AKT3: variants seen among roughly 807,000 people sequenced by gnomAD.
AKT3 encodes AKT serine/threonine kinase 3.
In AKT3, 15 loss-of-function variants were observed where a neutral mutation model predicts 65.3. The ratio of observed to expected loss-of-function variants is 0.23; its 90% CI spans 0.15 to 0.35. AKT3 has a LOEUF of 0.35. Ranked by LOEUF, AKT3 falls within the 10% of genes least tolerant of loss-of-function variation. The pLI, the probability that AKT3 is intolerant of heterozygous loss-of-function variation, is 1.00. For missense variants in AKT3, 243 were observed against 576.5 expected, an observed-to-expected ratio of 0.42 and a Z score of 5.92; for synonymous variants, 206 against 183.8, an observed-to-expected ratio of 1.12 and a Z score of -0.98.
At chr1:243,647,026 G>A (rs982136228) in intron 4 of AKT3, among the ~76,000 whole-genome samples, 1 of 152,120 alleles carries the variant, frequency 6.6e-6, no homozygotes, top group Non-Finnish European at 1.5e-5. Context: ...TAAATCTATA[G>A]ATGAATTTTG....
chr1:243,526,615 T>C (rs1194180859), intron 12 of AKT3, among the ~76,000 whole-genome samples: 1 of 151,896 alleles, frequency 6.6e-6, no homozygotes, highest in Non-Finnish European at 1.5e-5. Flanking sequence ...CAGTGAAATA[T>C]ACCACATGAC....
chr1:243,507,170 G>T (rs1669721743), intron 13 of AKT3, among the ~76,000 whole-genome samples: 1 of 152,238 alleles, frequency 6.6e-6, no homozygotes, highest in African/African-American at 2.4e-5. Context: ...GGCAGGAGCT[G>T]CCTGGACTCC....
rs1040803952 is a variant in AKT3, at chr1:243,802,221, A to G, written c.46+40904T>C. Reference sequence around the variant, plus strand: ...TTTCTCTTTCCTCAGGTATACTCCAACACAATACACTATTAAGCCTAACTA... The same window carrying G: ...TTTCTCTTTCCTCAGGTATACTCCAGCACAATACACTATTAAGCCTAACTA... On this transcript the variant is annotated intron_variant, in intron 2 of 13. Transcript: ENST00000673466. Among the ~76,000 whole-genome samples the G allele has an allele frequency of 9.1e-4, 138 of 152,308 alleles. 1 individual carries two copies. Among genetic ancestry groups the G allele is most frequent in the African/African-American group, 3.1e-3 (130 of 41,574 alleles).
intron 2 of AKT3, among the ~76,000 whole-genome samples, chr1:243,751,336 T>C (rs1044875766): frequency 5.3e-5 from 8 of 152,262 alleles, no homozygotes; most frequent in Non-Finnish European, 8.8e-5. Flanking sequence ...AAGGCAATGA[T>C]AAATGAAGCA....
At chr1:243,840,144 C>T (rs10803162) in intron 2 of AKT3, among the ~76,000 whole-genome samples, 34,507 of 152,042 alleles carry the variant, frequency 0.23, 4,245 homozygotes, top group East Asian at 0.34. Flanking sequence ...GCATTCCAGC[C>T]TGGGTGACAG....
At chr1:243,806,678 T>C (rs910555235) in intron 2 of AKT3, among the ~76,000 whole-genome samples, 5 of 152,216 alleles carry the variant, frequency 3.3e-5, no homozygotes, top group South Asian at 2.1e-4. Context: ...ACATAGCTAT[T>C]TGATGTGTCT....
chr1:243,832,990 T>G (rs1031217995), intron 2 of AKT3, among the ~76,000 whole-genome samples: 34 of 152,290 alleles, frequency 2.2e-4, no homozygotes, highest in African/African-American at 5.1e-4. Flanking sequence ...CCGGGCGCAG[T>G]GGCTCACACC....
chr1:243,651,277 C>T (rs1681299478), intron 4 of AKT3, among the ~76,000 whole-genome samples: 1 of 152,162 alleles, frequency 6.6e-6, no homozygotes, highest in Admixed American at 6.5e-5. Context: ...TGCATATCAG[C>T]TTAAGGAGAT....
intron 2 of AKT3, among the ~76,000 whole-genome samples, chr1:243,708,202 A>T (rs1466743949): frequency 6.6e-6 from 1 of 152,076 alleles, no homozygotes; most frequent in Non-Finnish European, 1.5e-5. Context: ...AACATGTTTA[A>T]ATGATATCGT....
chr1:243,574,048 A>T (rs1280511360), intron 8 of AKT3, among the ~76,000 whole-genome samples: 1 of 152,124 alleles, frequency 6.6e-6, no homozygotes, highest in East Asian at 1.9e-4. Context: ...TACACAATAC[A>T]TGTCTGTGAA....
intron 3 of AKT3, among the ~76,000 whole-genome samples, chr1:243,676,642 T>C (rs1447636469): frequency 2.0e-5 from 3 of 152,148 alleles, no homozygotes; most frequent in African/African-American, 7.2e-5. Context: ...ACCAGTACAG[T>C]TTTTCTATTT....
At chr1:243,578,043 A>G (rs1033034091) in intron 8 of AKT3, among the ~76,000 whole-genome samples, 5 of 152,152 alleles carry the variant, frequency 3.3e-5, no homozygotes, top group Non-Finnish European at 5.9e-5. Context: ...AATAGATGCT[A>G]GTGGGGCTAC....
intron 3 of AKT3, among the ~76,000 whole-genome samples, chr1:243,679,751 C>T (rs919166239): frequency 6.6e-6 from 1 of 152,230 alleles, no homozygotes; most frequent in Admixed American, 6.5e-5. Flanking sequence ...TCTAAGCCAA[C>T]TTTGCTGATT....
At chr1:243,842,281 A>G (rs1471545697) in intron 2 of AKT3, among the ~76,000 whole-genome samples, 1 of 152,204 alleles carries the variant, frequency 6.6e-6, no homozygotes, top group Non-Finnish European at 1.5e-5. Context: ...TTAGGAGGGA[A>G]CTTGTAACCA....
intron 3 of AKT3, among the ~76,000 whole-genome samples, chr1:243,668,818 A>C (rs1682976169): frequency 6.6e-6 from 1 of 152,224 alleles, no homozygotes; most frequent in Non-Finnish European, 1.5e-5. Context: ...ATGATACTCA[A>C]CTAAGAAACT....
At chr1:243,613,491 A>G (rs969928002) in intron 8 of AKT3, among the ~76,000 whole-genome samples, 180 bp downstream of exon 8, 1 of 152,200 alleles carries the variant, frequency 6.6e-6, no homozygotes, top group South Asian at 2.1e-4. Context: ...TAGTTATATA[A>G]AAACAATCAT....
At chr1:243,799,130 C>T (rs1018218001) in intron 2 of AKT3, among the ~76,000 whole-genome samples, 1 of 151,962 alleles carries the variant, frequency 6.6e-6, no homozygotes, top group African/African-American at 2.4e-5. Flanking sequence ...CTCTTTATAT[C>T]TTTATATACT....
At chr1:243,811,182 G>A (rs1393482269) in intron 2 of AKT3, among the ~76,000 whole-genome samples, 2 of 152,282 alleles carry the variant, frequency 1.3e-5, no homozygotes, top group East Asian at 3.9e-4. Flanking sequence ...GGGGCAATCA[G>A]GCAGGAGAAA....
At chr1:243,843,747 G>A (rs1346663034) in intron 1 of AKT3, among the ~76,000 whole-genome samples, 1 of 151,856 alleles carries the variant, frequency 6.6e-6, no homozygotes, top group Non-Finnish European at 1.5e-5. Context: ...CACCTCCCAG[G>A]TTCAAGCGAT....
Sources: gnomAD v4.1 joint callset for allele counts (sites outside exome capture counted in the v4.1 genomes callset) on GRCh38, gnomAD v4.1.1 for gene constraint, MANE v1.5 for transcripts, NCBI Gene and HGNC (gene_info 2026-07-23, HGNC 2026-07-21) for gene names.